Variants in SNX9 observed in about 807,000 individuals in gnomAD.
SNX9 encodes the protein sorting nexin 9, also known as sorting nexin-9.
Under a neutral mutation model 89.4 loss-of-function variants are expected in SNX9, and 44 were observed. That is an observed-to-expected ratio of 0.49 (90% confidence interval 0.39 to 0.63). The LOEUF (loss-of-function observed/expected upper bound fraction) is 0.63, where lower values mean the gene tolerates loss of function less well. SNX9 is among the 30% of genes least tolerant of loss of function. SNX9 has a pLI of 0.00. For synonymous variants in SNX9, 236 were observed against 247.8 expected (o/e 0.95, Z 0.45); for missense variants, 578 against 736.1 (o/e 0.79, Z 2.49).
intron 4 of SNX9, among the ~76,000 whole-genome samples, chr6:157,878,927 T>C (rs10706058): frequency 2.3e-5 from 2 of 87,260 alleles, no homozygotes; most frequent in East Asian, 2.4e-4. Context: ...TGTCCTTTGG[T>C]GGGGGAAGGT....
chr6:157,831,631 C>T (rs1781480663), intron 1 of SNX9, among the ~76,000 whole-genome samples: 1 of 152,204 alleles, frequency 6.6e-6, no homozygotes, highest in Admixed American at 6.5e-5. Flanking sequence ...TGTGGAGTCT[C>T]CCAGCGGGAA....
rs143312841 is a variant in SNX9, at chr6:157,823,783, C to T, written c.12+337C>T. ...GGGGCCGCGGGACGGAAACTTCCCG[C>T]AGCCCGGGGAGGCCCCCGAGGCGAC... is the stretch of plus-strand genomic sequence containing the variant. On this transcript the variant is annotated intron_variant, in intron 1 of 17. Coordinates refer to ENST00000392185, the MANE Select transcript of SNX9 (RefSeq NM_016224.5). The surrounding 1 kb of genome is among the most constrained non-coding windows in gnomAD (Gnocchi z 4.6). Among the ~76,000 whole-genome samples the T allele has an allele frequency of 4.1e-3, 631 of 152,140 alleles. 2 individuals carry two copies. Among genetic ancestry groups the T allele is most frequent in the African/African-American group, 0.014 (575 of 41,550 alleles).
intron 1 of SNX9, among the ~76,000 whole-genome samples, chr6:157,825,594 G>A (rs1236192323): frequency 6.6e-6 from 1 of 152,136 alleles, no homozygotes; most frequent in African/African-American, 2.4e-5. Context: ...CAGTAGTTCT[G>A]TTAGTTTCTT....
At chr6:157,857,801 A>G (rs1295770047) in intron 1 of SNX9, among the ~76,000 whole-genome samples, 2 of 152,068 alleles carry the variant, frequency 1.3e-5, no homozygotes. Flanking sequence ...GAGAGGTGCT[A>G]TTGATGATAT....
intron 1 of SNX9, among the ~76,000 whole-genome samples, chr6:157,838,885 G>A (rs1781638777): frequency 6.6e-6 from 1 of 152,174 alleles, no homozygotes; most frequent in African/African-American, 2.4e-5. Flanking sequence ...GAGGCAAGTA[G>A]TCTGTGCCCA....
At chr6:157,857,652 T>G (rs1196731512) in intron 1 of SNX9, among the ~76,000 whole-genome samples, 7 of 107,456 alleles carry the variant, frequency 6.5e-5, no homozygotes, top group East Asian at 2.5e-4. Flanking sequence ...TTTTTCCTTG[T>G]TTTTTTTTTT....
At chr6:157,851,430 A>G (rs1457337096) in intron 1 of SNX9, among the ~76,000 whole-genome samples, 1 of 152,104 alleles carries the variant, frequency 6.6e-6, no homozygotes, top group Non-Finnish European at 1.5e-5. Context: ...AACCATTGCC[A>G]CTATTTCTAG....
intron 1 of SNX9, among the ~76,000 whole-genome samples, chr6:157,825,270 G>A (rs912289794): frequency 1.3e-5 from 2 of 152,080 alleles, no homozygotes; most frequent in African/African-American, 4.8e-5. Context: ...ACGAGACTCC[G>A]TTTGAAAAAA....
chr6:157,823,331 C>A lies in SNX9; in HGVS notation c.-104C>A. 1 of 1,057,994 alleles carries A rather than the reference C, an allele frequency of 9.5e-7. No homozygotes were observed. The highest frequency in any genetic ancestry group is 1.2e-6 in the Non-Finnish European group (1 of 846,452). 65.5% of individuals were successfully genotyped at this position (1,057,994 alleles called of 1,614,324 possible). On this transcript the variant is annotated 5_prime_UTR_variant, in exon 1 of 18. Transcript: ENST00000392185. This position sits in a 1 kb window ranked among gnomAD's most constrained non-coding sequence, Gnocchi z 4.6. ...GAGCGGCCGCCGCGCCGGGGCCCAG[C>A]CGGAGCCGCCGCCCTCGCCCTTGCC...
intron 17 of SNX9, 130 bp from the exon 18 acceptor site, chr6:157,942,661 G>C: frequency 1.0e-6 from 1 of 957,198 alleles, no homozygotes; most frequent in East Asian, 2.6e-5. Flanking sequence ...GGCAGGGCTG[G>C]TGCCAAAAAG....
chr6:157,839,206 G>A (rs1317755494), intron 1 of SNX9, among the ~76,000 whole-genome samples: 1 of 152,110 alleles, frequency 6.6e-6, no homozygotes, highest in Admixed American at 6.5e-5. Context: ...TATGTGTGTG[G>A]GGATGTATAT....
chr6:157,886,455 A>AAG (rs1782737658), intron 4 of SNX9, among the ~76,000 whole-genome samples: 1 of 152,262 alleles, frequency 6.6e-6, no homozygotes, highest in Admixed American at 6.5e-5. Context: ...AGAAAAAGAA[A>AAG]AGTATCCCAT....
intron 10 of SNX9, among the ~76,000 whole-genome samples, chr6:157,926,649 G>C (rs374535321): frequency 6.6e-6 from 1 of 151,794 alleles, no homozygotes; most frequent in African/African-American, 2.4e-5. Flanking sequence ...AGGCATGGTG[G>C]CATGCGCCTA....
At chr6:157,915,467 T>A (rs1490886359) in intron 9 of SNX9, among the ~76,000 whole-genome samples, 1 of 151,386 alleles carries the variant, frequency 6.6e-6, no homozygotes, top group African/African-American at 2.4e-5. Flanking sequence ...ATACAGATTC[T>A]GCATATATTT....
At chr6:157,857,684 C>T (rs1250957492) in intron 1 of SNX9, among the ~76,000 whole-genome samples, 9 of 147,640 alleles carry the variant, frequency 6.1e-5, no homozygotes, top group African/African-American at 1.7e-4. Context: ...AGATTGGGGG[C>T]CATTCTTGTT....
chr6:157,927,780 G>A (rs1038118931), intron 11 of SNX9, among the ~76,000 whole-genome samples: 1 of 134,532 alleles, frequency 7.4e-6, no homozygotes, highest in Admixed American at 8.2e-5. Flanking sequence ...AGGCTGGAGT[G>A]CAGTGGCACG....
At chr6:157,935,331 T>C (rs1313148916) in intron 13 of SNX9, among the ~76,000 whole-genome samples, 1 of 152,198 alleles carries the variant, frequency 6.6e-6, no homozygotes, top group Non-Finnish European at 1.5e-5. Flanking sequence ...GATCATTTTC[T>C]AACATTCTAA....
chr6:157,828,102 T>A (rs1328429224), intron 1 of SNX9, among the ~76,000 whole-genome samples: 1 of 152,202 alleles, frequency 6.6e-6, no homozygotes, highest in Non-Finnish European at 1.5e-5. Context: ...AATATCTTTC[T>A]AACAGGTCTT....
intron 12 of SNX9, among the ~76,000 whole-genome samples, 171 bp from the exon 13 acceptor site, chr6:157,932,024 A>T (rs1335166266): frequency 1.3e-5 from 2 of 152,228 alleles, no homozygotes; most frequent in African/African-American, 4.8e-5. Context: ...AATTAAAATA[A>T]TCGAAAGAAA....
Sources: allele counts gnomAD v4.1 joint callset (sites outside exome capture counted in the v4.1 genomes callset), GRCh38; gene constraint gnomAD v4.1.1; non-coding constraint Gnocchi (gnomAD v3.1); transcripts MANE v1.5; gene names NCBI Gene and HGNC (gene_info 2026-07-23, HGNC 2026-07-21).